Variants in PRKG1 observed in about 807,000 individuals in gnomAD.
The protein encoded by PRKG1 is protein kinase cGMP-dependent 1.
In PRKG1, 35 loss-of-function variants were observed where a neutral mutation model predicts 88.1. The observed-to-expected ratio is 0.40, with a 90% CI of 0.30 to 0.53. PRKG1 has a LOEUF of 0.53. Among genes scored for constraint, PRKG1 ranks in the 20% least tolerant of loss-of-function variants. The probability of loss-of-function intolerance (pLI) is 0.59; values close to 1 mark genes in which losing one functional copy is unlikely to be tolerated. For synonymous variants in PRKG1, 303 were observed against 292.5 expected (o/e 1.04, Z -0.37); for missense variants, 540 against 839.8 (o/e 0.64, Z 4.41).
At position 51,615,930 on chromosome 10, in the gene PRKG1, A is replaced by G. The variant is rs557469443; in HGVS notation, c.592+148094A>G. Among the ~76,000 whole-genome samples the G allele has an allele frequency of 9.5e-4, 144 of 152,100 alleles. 3 individuals are homozygous for G. In the South Asian group the frequency reaches 0.022, roughly 23 times the overall value. ...TCTGACCTTGATATCTGCACATCTG[A>G]TGTAATAGTCACTTCCTCCCATTTT... is the stretch of plus-strand genomic sequence containing the variant. On this transcript the variant is annotated intron_variant, in intron 3 of 17. Coordinates refer to ENST00000373980, the MANE Select transcript of PRKG1 (RefSeq NM_006258.4).
Position 51,302,389 on chromosome 10 carries a change from T to G in PRKG1, c.478+149059T>G, listed in dbSNP as rs556673816. ...TAAAGAGTTATTTGCTCACTAGATT[T>G]TATTCACTTGGCACCTGTTTATTAA... On this transcript the variant is annotated intron_variant, in intron 2 of 17. Coordinates refer to ENST00000373980, the MANE Select transcript of PRKG1 (RefSeq NM_006258.4). Among the ~76,000 whole-genome samples the G allele has an allele frequency of 1.1e-3, 165 of 152,306 alleles. 1 individual carries two copies. The highest frequency in any genetic ancestry group is 3.9e-3 in the African/African-American group (164 of 41,566).
At chr10:51,884,175 G>GGT (rs1216540544) in intron 4 of PRKG1, among the ~76,000 whole-genome samples, 1 of 151,716 alleles carries the variant, frequency 6.6e-6, no homozygotes, top group Non-Finnish European at 1.5e-5. Context: ...GGCCGGGCGC[G>GGT]GTGGCTCACG....
At chr10:51,173,506 C>A (rs1837107837) in intron 2 of PRKG1, among the ~76,000 whole-genome samples, 1 of 151,678 alleles carries the variant, frequency 6.6e-6, no homozygotes, top group Non-Finnish European at 1.5e-5. Flanking sequence ...ATGTGTAAAA[C>A]TGTCATCAAT....
chr10:51,942,171 G>C (rs1477260273), intron 5 of PRKG1, among the ~76,000 whole-genome samples: 1 of 151,916 alleles, frequency 6.6e-6, no homozygotes, highest in Non-Finnish European at 1.5e-5. Context: ...GTATCTCATT[G>C]TGGTTTTGAT....
intron 2 of PRKG1, among the ~76,000 whole-genome samples, chr10:51,193,903 G>A (rs902362635): frequency 6.6e-6 from 1 of 152,110 alleles, no homozygotes; most frequent in South Asian, 2.1e-4. Context: ...ATAAATTGAT[G>A]ACATTTCTTA....
chr10:52,218,143 C>A (rs539445231), intron 9 of PRKG1, among the ~76,000 whole-genome samples: 109 of 146,448 alleles, frequency 7.4e-4, no homozygotes, highest in African/African-American at 2.7e-3. Context: ...ACCTGGGAGG[C>A]AGAGGTTACA....
chr10:51,334,987 C>T (rs1272797338), intron 2 of PRKG1, among the ~76,000 whole-genome samples: 13 of 147,958 alleles, frequency 8.8e-5, no homozygotes, highest in African/African-American at 3.2e-4. Context: ...AAAGGTTTTT[C>T]CTGTCAGGTT....
At chr10:51,349,417 A>G (rs944763390) in intron 2 of PRKG1, among the ~76,000 whole-genome samples, 12 of 151,806 alleles carry the variant, frequency 7.9e-5, no homozygotes, top group Middle Eastern at 3.2e-3. Context: ...TTTTGTTCAG[A>G]GAAGATAAAA....
chr10:51,310,296 A>C (rs149914258), intron 2 of PRKG1, among the ~76,000 whole-genome samples: 2 of 152,348 alleles, frequency 1.3e-5, no homozygotes, highest in African/African-American at 2.4e-5. Flanking sequence ...CACCTGCTCC[A>C]ATATCTTCAT....
At chr10:52,025,174 G>T (rs558188584) in intron 5 of PRKG1, among the ~76,000 whole-genome samples, 1 of 152,084 alleles carries the variant, frequency 6.6e-6, no homozygotes, top group East Asian at 1.9e-4. Context: ...TTTTGATGGG[G>T]TTGTTTTTTT....
intron 3 of PRKG1, among the ~76,000 whole-genome samples, chr10:51,713,246 AT>A (rs1488796705): frequency 2.6e-5 from 4 of 152,244 alleles, no homozygotes; most frequent in East Asian, 3.8e-4. Flanking sequence ...TTGTAAAGAA[AT>A]GCAGCATAAA....
intron 2 of PRKG1, among the ~76,000 whole-genome samples, chr10:51,360,976 A>T (rs944165083): frequency 2.6e-5 from 4 of 151,952 alleles, no homozygotes; most frequent in East Asian, 3.9e-4. Flanking sequence ...CTCATTTAAA[A>T]TATTGAGTAA....
chr10:51,848,669 T>G (rs1461049817), intron 4 of PRKG1, among the ~76,000 whole-genome samples: 7 of 142,802 alleles, frequency 4.9e-5, no homozygotes, highest in Non-Finnish European at 3.1e-5. Context: ...GTGTGTGTGT[T>G]TTATATTTTT....
At chr10:52,137,654 A>G (rs182946656) in intron 8 of PRKG1, among the ~76,000 whole-genome samples, 1 of 152,240 alleles carries the variant, frequency 6.6e-6, no homozygotes, top group African/African-American at 2.4e-5. Flanking sequence ...TACAATACCT[A>G]ATAAAATCTA....
At chr10:51,545,858 G>A (rs1312616779) in intron 3 of PRKG1, among the ~76,000 whole-genome samples, 3 of 151,938 alleles carry the variant, frequency 2.0e-5, no homozygotes, top group Non-Finnish European at 1.5e-5. Context: ...GTCACCAGAA[G>A]ATTTCAATAT....
chr10:51,198,830 G>A (rs1396500778), intron 2 of PRKG1, among the ~76,000 whole-genome samples: 2 of 152,176 alleles, frequency 1.3e-5, no homozygotes, highest in African/African-American at 4.8e-5. Context: ...GATAGAAATG[G>A]ATGTTGAAAC....
chr10:51,812,152 C>T (rs1314618414), intron 4 of PRKG1, among the ~76,000 whole-genome samples: 1 of 152,146 alleles, frequency 6.6e-6, no homozygotes, highest in Non-Finnish European at 1.5e-5. Context: ...TTACAATCAA[C>T]ACATTTTTGC....
At chr10:50,994,968 A>G (rs1272626683) in intron 1 of PRKG1, among the ~76,000 whole-genome samples, 2 of 152,220 alleles carry the variant, frequency 1.3e-5, no homozygotes, top group Admixed American at 1.3e-4. Context: ...GGATGTGTGT[A>G]GGTTTTATGC....
At chr10:51,624,659 CAG>C (rs1839290854) in intron 3 of PRKG1, among the ~76,000 whole-genome samples, 1 of 152,078 alleles carries the variant, frequency 6.6e-6, no homozygotes, top group Admixed American at 6.5e-5. Flanking sequence ...GTTGTGGCCA[CAG>C]AGATGTTTTT....
Sources: allele counts gnomAD v4.1 joint callset (sites outside exome capture counted in the v4.1 genomes callset), GRCh38; gene constraint gnomAD v4.1.1; transcripts MANE v1.5; gene names NCBI Gene and HGNC (gene_info 2026-07-23, HGNC 2026-07-21).